Variants in SAP130 observed in about 807,000 individuals in gnomAD.
The protein encoded by SAP130 is histone deacetylase complex subunit SAP130.
A neutral mutation model predicts 103.2 loss-of-function variants in SAP130; 16 were observed. That is an observed-to-expected ratio of 0.16 (90% confidence interval 0.10 to 0.24). The LOEUF (loss-of-function observed/expected upper bound fraction) is 0.24, where lower values mean the gene tolerates loss of function less well. Among genes scored for constraint, SAP130 ranks in the 10% least tolerant of loss-of-function variants. The probability of loss-of-function intolerance (pLI) is 1.00; values close to 1 mark genes in which losing one functional copy is unlikely to be tolerated. For missense variants in SAP130, 990 were observed against 1,359.7 expected, an observed-to-expected ratio of 0.73 and a Z score of 4.28; for synonymous variants, 477 against 497.0, an observed-to-expected ratio of 0.96 and a Z score of 0.53.
chr2:127,982,346 G>A (rs746678732), intron 14 of SAP130, among the ~76,000 whole-genome samples: 1 of 152,320 alleles, frequency 6.6e-6, no homozygotes, highest in South Asian at 2.1e-4. Context: ...TTCTTGAATA[G>A]ACAAGAGAGG....
chr2:128,022,196 C>T (rs547191491), intron 2 of SAP130, among the ~76,000 whole-genome samples: 2 of 152,314 alleles, frequency 1.3e-5, no homozygotes, highest in Admixed American at 6.5e-5. Context: ...TCACATAACA[C>T]AATCATACCA....
intron 15 of SAP130, among the ~76,000 whole-genome samples, chr2:127,975,233 T>A (rs1472827116): frequency 6.6e-6 from 1 of 152,188 alleles, no homozygotes; most frequent in African/African-American, 2.4e-5. Context: ...TGCTCTGGCA[T>A]CCTAGTGATA....
chr2:127,947,764 C>CTGTGTGTGTGAGTGTGTGTGTGTG (rs147211610), intron 18 of SAP130, among the ~76,000 whole-genome samples: 1,609 of 143,384 alleles, frequency 0.011, 30 homozygotes, highest in Middle Eastern at 0.032. Flanking sequence ...TTGTGTGTGT[C>CTGTGTGTGTGAGTGTGTGTGTGTG]TGTGTGTGTG....
chr2:128,007,966 T>C (rs1321013770), intron 7 of SAP130, among the ~76,000 whole-genome samples: 1 of 152,190 alleles, frequency 6.6e-6, no homozygotes, highest in Non-Finnish European at 1.5e-5. Flanking sequence ...TTCTAAAACC[T>C]GCTTTCCTTC....
chr2:127,983,574 G>A (rs1244388794), intron 14 of SAP130, among the ~76,000 whole-genome samples: 1 of 152,160 alleles, frequency 6.6e-6, no homozygotes, highest in Non-Finnish European at 1.5e-5. Context: ...AAGGCGTGGA[G>A]AAAGAAGAGA....
intron 2 of SAP130, among the ~76,000 whole-genome samples, chr2:128,019,354 A>C (rs1164442404): frequency 1.3e-5 from 2 of 152,122 alleles, no homozygotes; most frequent in Non-Finnish European, 2.9e-5. Flanking sequence ...CTGCAGCTTC[A>C]AACTCTTGGA....
At chr2:127,970,483 G>A (rs1185658268) in intron 15 of SAP130, among the ~76,000 whole-genome samples, 5 of 147,406 alleles carry the variant, frequency 3.4e-5, no homozygotes, top group Admixed American at 1.4e-4. Flanking sequence ...GGAGGTTGCA[G>A]TGAGCCGAGA....
intron 2 of SAP130, among the ~76,000 whole-genome samples, chr2:128,025,467 A>G (rs1244528678): frequency 6.6e-6 from 1 of 152,208 alleles, no homozygotes; most frequent in Non-Finnish European, 1.5e-5. Context: ...AGCCCTCTGT[A>G]TCCATGGGTT....
intron 15 of SAP130, among the ~76,000 whole-genome samples, chr2:127,961,677 C>T (rs573054032): frequency 4.5e-4 from 68 of 152,208 alleles, no homozygotes; most frequent in African/African-American, 1.4e-3. Context: ...TATTTGGAGG[C>T]GGAAGGTGAG....
intron 5 of SAP130, among the ~76,000 whole-genome samples, chr2:128,014,187 A>C (rs1010676901): frequency 2.6e-5 from 4 of 152,174 alleles, no homozygotes; most frequent in African/African-American, 9.7e-5. Context: ...CCATGCTAAA[A>C]ACATGGATTG....
rs138554131 is a variant in SAP130 at position 127,975,153 on chromosome 2, A to G, written c.2063+2832T>C. Among the ~76,000 whole-genome samples, 81 of 152,388 alleles carry G rather than the reference A, an allele frequency of 5.3e-4. 1 individual carries two copies. The highest frequency in any genetic ancestry group is 1.9e-3 in the African/African-American group (79 of 41,600). Reference sequence around the variant, plus strand: ...GTCACATCACTTCTTAAGTCTGGTAATGATCAATCACTGACCATAAACAGT... The same window carrying G: ...GTCACATCACTTCTTAAGTCTGGTAGTGATCAATCACTGACCATAAACAGT... On this transcript the variant is annotated intron_variant, in intron 15 of 20. Transcript: ENST00000643581.
chr2:128,027,622 GCCGC>G (rs897753560), intron 1 of SAP130, among the ~76,000 whole-genome samples: 72 of 146,366 alleles, frequency 4.9e-4, no homozygotes, highest in Middle Eastern at 3.8e-3. Flanking sequence ...CCCTGGGCCG[GCCGC>G]CCGCCCGCCC....
Position 127,989,784 on chromosome 2 carries a change from C to T in SAP130, c.1560G>A (p.Gln520=). ...CATGCGATGCATCCACTGTCATCAA[C>T]TGCATGGGGTTTAGGTGGACGGTAG... is the stretch of plus-strand genomic sequence containing the variant. ...VASTVHLNPM[Q]LMTVDASHAR... is the part of the protein sequence containing the mutation. The change falls in exon 13 of 21, where the codon CAG becomes CAA. Residue 520 remains glutamine, a synonymous_variant. Transcript: ENST00000643581. The surrounding 1 kb of genome is among the most constrained non-coding windows in gnomAD (Gnocchi z 4.6). 6.2e-7 allele frequency: 1 copy of T among 1,614,188 alleles called. No homozygotes were observed. The highest frequency in any genetic ancestry group is 8.5e-7 in the Non-Finnish European group (1 of 1,180,042).
intron 7 of SAP130, among the ~76,000 whole-genome samples, chr2:128,003,834 A>AAAAGCAG (rs1683751673): frequency 6.6e-6 from 1 of 152,080 alleles, no homozygotes; most frequent in Non-Finnish European, 1.5e-5. Flanking sequence ...CCCCAATCCA[A>AAAAGCAG]AAAGCAGAAA....
chr2:127,999,900 C>T, intron 9 of SAP130, 55 bp from the exon 10 acceptor site: 1 of 1,453,018 alleles, frequency 6.9e-7, no homozygotes, highest in African/African-American at 1.4e-5. Flanking sequence ...GCACACGTTA[C>T]AGATTCTCAA....
Position 127,989,990 on chromosome 2 carries a change from A to T in SAP130, c.1478-124T>A, listed in dbSNP as rs866538841. On this transcript the variant is annotated intron_variant, in intron 12 of 20. Coordinates refer to ENST00000643581, the MANE Select transcript of SAP130 (RefSeq NM_001330301.2). This position sits in a 1 kb window ranked among gnomAD's most constrained non-coding sequence, Gnocchi z 4.6. ...AAGATCTAAATCCATGGTTTGAAAA[A>T]AAATAAATAAATAAACATTGTTACT... 9.5e-6 allele frequency: 8 copies of T among 838,994 alleles called. No individual in the cohort carries two copies. The highest frequency in any genetic ancestry group is 3.5e-4 in the Middle Eastern group (1 of 2,834). 52.0% of individuals were successfully genotyped at this position (838,994 alleles called of 1,614,324 possible). A position where few individuals can be genotyped will look rare whatever the true frequency, so the allele number is the denominator to read the frequency against.
chr2:127,999,570 C>G (rs1411512194), intron 10 of SAP130, among the ~76,000 whole-genome samples, 171 bp downstream of exon 10: 1 of 150,494 alleles, frequency 6.6e-6, no homozygotes, highest in African/African-American at 2.5e-5. Context: ...CGTCACTGCA[C>G]TCCAGTTTGG....
chr2:127,991,260 A>T (rs1485273674), intron 12 of SAP130, among the ~76,000 whole-genome samples: 2 of 152,322 alleles, frequency 1.3e-5, no homozygotes, highest in East Asian at 3.9e-4. Flanking sequence ...AAAAAAAAAG[A>T]GACAGACCAA....
intron 6 of SAP130, among the ~76,000 whole-genome samples, chr2:128,012,275 G>C (rs1684451266): frequency 6.6e-6 from 1 of 152,144 alleles, no homozygotes; most frequent in Non-Finnish European, 1.5e-5. Flanking sequence ...TTCGAGACCA[G>C]CCTGGCCAAC....
Sources: allele counts gnomAD v4.1 joint callset (sites outside exome capture counted in the v4.1 genomes callset), GRCh38; gene constraint gnomAD v4.1.1; non-coding constraint Gnocchi (gnomAD v3.1); transcripts MANE v1.5; gene names NCBI Gene and HGNC (gene_info 2026-07-23, HGNC 2026-07-21).